SIL1: variants seen among roughly 807,000 people sequenced by gnomAD.
SIL1 encodes SIL1 nucleotide exchange factor.
Under a neutral mutation model 49.1 loss-of-function variants are expected in SIL1, and 40 were observed. The ratio of observed to expected loss-of-function variants is 0.81; its 90% confidence interval spans 0.63 to 1.06. The LOEUF is 1.06. Ranked by LOEUF, SIL1 falls within the 50% of genes least tolerant of loss-of-function variation. SIL1 has a pLI of 0.00. For missense variants in SIL1, 500 were observed against 572.6 expected (o/e 0.87, Z 1.29); for synonymous variants, 253 against 250.8 (o/e 1.01, Z -0.08).
chr5:139,007,929 T>G (rs1431056457), intron 7 of SIL1, among the ~76,000 whole-genome samples: 11 of 151,624 alleles, frequency 7.3e-5, no homozygotes, highest in Non-Finnish European at 1.5e-4. Flanking sequence ...TCTCTTTTTT[T>G]GTTGTGTCTC....
intron 1 of SIL1, among the ~76,000 whole-genome samples, chr5:139,152,799 A>G (rs1453572641): frequency 1.3e-5 from 2 of 152,076 alleles, no homozygotes; most frequent in Admixed American, 6.5e-5. Flanking sequence ...GATCAACATC[A>G]GCAGCTTCAT....
chr5:139,140,744 G>A (rs887121976), intron 1 of SIL1, among the ~76,000 whole-genome samples: 3 of 152,098 alleles, frequency 2.0e-5, no homozygotes, highest in Non-Finnish European at 2.9e-5. Context: ...CCTAAACTCA[G>A]TACTTGGCAG....
Position 138,947,069 on chromosome 5 carries a change from C to T in SIL1, c.*48G>A, listed in dbSNP as rs1244134547. The T allele has an allele frequency of 2.7e-6, 4 of 1,478,016 alleles. No individual in the cohort carries two copies. The highest frequency in any genetic ancestry group is 3.7e-6 in the Non-Finnish European group (4 of 1,066,798). The allele number at this position is 1,478,016 out of a possible 1,614,324, so 91.6% of individuals were successfully genotyped here. On this transcript the variant is annotated 3_prime_UTR_variant, in exon 10 of 10. Transcript: ENST00000394817. This position sits in a 1 kb window ranked among gnomAD's most constrained non-coding sequence, Gnocchi z 4.1. The stretch of plus-strand genomic sequence containing the variant: ...CCTGAGAAGCCCACCCACGCTGGCA[C>T]CCCTCAGCCTCACTAGCGGCATCCC...
intron 3 of SIL1, among the ~76,000 whole-genome samples, chr5:139,056,729 C>T (rs1215098327): frequency 6.0e-5 from 9 of 148,858 alleles, no homozygotes; most frequent in South Asian, 2.2e-4. Context: ...AGCCGCCCCG[C>T]CCGGGAGGTG....
At chr5:138,991,734 C>A (rs556328992) in intron 7 of SIL1, among the ~76,000 whole-genome samples, 1 of 152,314 alleles carries the variant, frequency 6.6e-6, no homozygotes, top group South Asian at 2.1e-4. Context: ...GAGAATACAT[C>A]TAACTGATCA....
chr5:139,187,852 G>A (rs563882887), intron 1 of SIL1: 2 of 152,338 alleles, frequency 1.3e-5, no homozygotes, highest in East Asian at 1.9e-4. Context: ...CTAGTGGGAG[G>A]TGACTAAGTC....
intron 8 of SIL1, 130 bp downstream of exon 8, chr5:138,951,658 C>A: frequency 1.1e-6 from 1 of 904,814 alleles, no homozygotes; most frequent in Non-Finnish European, 1.8e-6. Flanking sequence ...TGTAACTTCT[C>A]CCCCTGTGCC....
chr5:139,170,761 C>T (rs1164208317), intron 1 of SIL1, among the ~76,000 whole-genome samples: 2 of 151,982 alleles, frequency 1.3e-5, no homozygotes, highest in Non-Finnish European at 2.9e-5. Flanking sequence ...GCAGCCACCC[C>T]GTCCGGAAGG....
At chr5:138,953,004 G>C (rs1266175690) in intron 7 of SIL1, among the ~76,000 whole-genome samples, 2 of 152,374 alleles carry the variant, frequency 1.3e-5, no homozygotes, top group Non-Finnish European at 2.9e-5. Context: ...AGAGAAAAGA[G>C]GGGACAGGCA....
intron 3 of SIL1, among the ~76,000 whole-genome samples, chr5:139,057,549 A>G (rs1000231736): frequency 6.6e-6 from 1 of 152,042 alleles, no homozygotes; most frequent in Non-Finnish European, 1.5e-5. Flanking sequence ...AGCTCTGGGC[A>G]AAGAAGCTTT....
intron 1 of SIL1, among the ~76,000 whole-genome samples, chr5:139,150,148 T>C (rs1216701877): frequency 6.6e-6 from 1 of 152,214 alleles, no homozygotes; most frequent in Non-Finnish European, 1.5e-5. Context: ...TGGACTGTAT[T>C]ATCTACCCAT....
intron 1 of SIL1, among the ~76,000 whole-genome samples, chr5:139,190,975 T>C (rs529283400): frequency 6.6e-6 from 1 of 152,236 alleles, no homozygotes; most frequent in Admixed American, 6.5e-5. Context: ...CTCACACCTG[T>C]AATCCCAGCA....
At chr5:139,102,827 GCCTC>G (rs1227768044) in intron 3 of SIL1, among the ~76,000 whole-genome samples, 1 of 151,558 alleles carries the variant, frequency 6.6e-6, no homozygotes, top group Non-Finnish European at 1.5e-5. Context: ...CAGTTCTCCT[GCCTC>G]AGCCTCCTGA....
At chr5:139,125,351 A>T (rs766265615) in intron 2 of SIL1, among the ~76,000 whole-genome samples, 30 of 152,328 alleles carry the variant, frequency 2.0e-4, no homozygotes, top group Middle Eastern at 3.4e-3. Context: ...TTAGCTGACA[A>T]CAGCTTACCA....
chr5:139,089,755 A>C (rs1028062349), intron 3 of SIL1, among the ~76,000 whole-genome samples: 6 of 152,234 alleles, frequency 3.9e-5, no homozygotes, highest in Non-Finnish European at 7.3e-5. Context: ...AAATGAGTAG[A>C]TCCATAAAGA....
intron 3 of SIL1, among the ~76,000 whole-genome samples, chr5:139,104,625 G>A (rs1770661219): frequency 6.6e-6 from 1 of 152,130 alleles, no homozygotes; most frequent in East Asian, 1.9e-4. Flanking sequence ...CACTAGCCTG[G>A]AGGCCTCAAC....
intron 1 of SIL1, among the ~76,000 whole-genome samples, chr5:139,171,252 A>C (rs1278160699): frequency 6.6e-6 from 1 of 152,194 alleles, no homozygotes; most frequent in Non-Finnish European, 1.5e-5. Context: ...GTTTTGTGGA[A>C]TAGAAAGGGG....
At chr5:139,164,907 C>T (rs1255841826) in intron 1 of SIL1, among the ~76,000 whole-genome samples, 1 of 152,208 alleles carries the variant, frequency 6.6e-6, no homozygotes, top group Non-Finnish European at 1.5e-5. Flanking sequence ...TCCAATCTGA[C>T]TCTGGCATAA....
At chr5:139,143,324 CACACACACACACACACACACAT>C (rs1751123660) in intron 1 of SIL1, among the ~76,000 whole-genome samples, 1 of 121,328 alleles carries the variant, frequency 8.2e-6, no homozygotes, top group African/African-American at 3.8e-5. Context: ...CACACACACA[CACACACACACACACACACACAT>C]ATATATATAT....
Sources: allele counts gnomAD v4.1 joint callset (sites outside exome capture counted in the v4.1 genomes callset), GRCh38; gene constraint gnomAD v4.1.1; non-coding constraint Gnocchi (gnomAD v3.1); transcripts MANE v1.5; gene names NCBI Gene and HGNC (gene_info 2026-07-23, HGNC 2026-07-21).